LRRC8D: variants seen among roughly 807,000 people sequenced by gnomAD.
LRRC8D encodes the protein volume-regulated anion channel subunit LRRC8D.
LRRC8D carries 20 observed loss-of-function variants against 55.8 expected under a neutral mutation model. The observed-to-expected ratio is 0.36, with a 90% CI of 0.25 to 0.52. LRRC8D has a LOEUF of 0.52. Ranked by LOEUF, LRRC8D falls within the 20% of genes least tolerant of loss-of-function variation. The pLI, the probability that LRRC8D is intolerant of heterozygous loss-of-function variation, is 0.93. For missense variants in LRRC8D, 651 were observed against 1,030.8 expected (o/e 0.63, Z 5.05); for synonymous variants, 352 against 377.0 (o/e 0.93, Z 0.77).
At chr1:89,853,675 G>C (rs1160210996) in intron 2 of LRRC8D, among the ~76,000 whole-genome samples, 1 of 152,184 alleles carries the variant, frequency 6.6e-6, no homozygotes, top group East Asian at 1.9e-4. Flanking sequence ...ATAGGGAAAA[G>C]CTGTCAGGTC....
intron 2 of LRRC8D, among the ~76,000 whole-genome samples, chr1:89,896,527 G>C (rs1662717777): frequency 6.6e-6 from 1 of 152,122 alleles, no homozygotes; most frequent in African/African-American, 2.4e-5. Context: ...GAGAGAGGCT[G>C]TGAAGACTTA....
intron 2 of LRRC8D, among the ~76,000 whole-genome samples, chr1:89,847,961 A>G (rs1661321202): frequency 1.3e-5 from 2 of 152,208 alleles, no homozygotes; most frequent in Admixed American, 6.5e-5. Flanking sequence ...CAGGTTGGGA[A>G]TTGAGGCCAA....
chr1:89,870,511 C>T (rs1661980190), intron 2 of LRRC8D, among the ~76,000 whole-genome samples: 1 of 152,010 alleles, frequency 6.6e-6, no homozygotes, highest in African/African-American at 2.4e-5. Context: ...CTAAAGGTGT[C>T]TCCTGGCCTC....
intron 1 of LRRC8D, among the ~76,000 whole-genome samples, chr1:89,827,173 A>C (rs750615109): frequency 6.6e-5 from 10 of 152,102 alleles, no homozygotes; most frequent in Non-Finnish European, 1.2e-4. Flanking sequence ...CAACCTGGTG[A>C]AACCCCGTCT....
chr1:89,935,115 A>T lies in LRRC8D; in HGVS notation c.2047A>T (p.Lys683Ter). The T allele has an allele frequency of 6.2e-7, 1 of 1,614,248 alleles. No homozygotes were observed. The highest frequency in any genetic ancestry group is 8.5e-7 in the Non-Finnish European group (1 of 1,180,044). Residue 683 changes from lysine to a stop codon, truncating the protein, a stop_gained, in exon 3 of 3, where the codon AAA becomes TAA. Transcript: ENST00000337338. LOFTEE classifies it high-confidence loss of function. ...GGAAATCATCAGTTTCCAGCATTTA[A>T]AACGACTGACTTGTTTAAAATTATG... ...IEEIISFQHLKRLTCLKLWHN... is the reference protein window; with the variant it reads ...IEEIISFQHL
rs1557491544 is a variant in LRRC8D, at chr1:89,934,436, A to G, written c.1368A>G (p.Thr456=). ...LREISLNHEW[T]FEKLRQHISR... The stretch of plus-strand genomic sequence containing the variant: ...AAATTAGTTTGAACCATGAGTGGAC[A>G]TTTGAAAAACTCAGGCAGCACATTT... The change falls in exon 3 of 3, where the codon ACA becomes ACG. Residue 456 remains threonine (T), a synonymous_variant. Coordinates refer to ENST00000337338, the MANE Select transcript of LRRC8D (RefSeq NM_001134479.2). The surrounding 1 kb of genome is among the most constrained non-coding windows in gnomAD (Gnocchi z 5.9). The G allele has an allele frequency of 1.2e-6, 2 of 1,614,174 alleles. No individual in the cohort carries two copies. The highest frequency in any genetic ancestry group is 1.7e-6 in the Non-Finnish European group (2 of 1,180,042).
intron 2 of LRRC8D, among the ~76,000 whole-genome samples, chr1:89,869,295 C>A (rs1328863476): frequency 2.0e-5 from 3 of 152,100 alleles, no homozygotes; most frequent in Non-Finnish European, 4.4e-5. Flanking sequence ...ACGTAAATGA[C>A]CTGATGGAGC....
rs567659254 is a variant in LRRC8D at position 89,935,708 on chromosome 1, A to G, written c.*63A>G. On this transcript the variant is annotated 3_prime_UTR_variant, in exon 3 of 3. Coordinates refer to ENST00000337338, the MANE Select transcript of LRRC8D (RefSeq NM_001134479.2). Reference sequence around the variant, plus strand: ...CTTCCTAGATTGCAAGTGCTCACGTACAAGTTATTACAAGATAATGCATTT... The same window carrying G: ...CTTCCTAGATTGCAAGTGCTCACGTGCAAGTTATTACAAGATAATGCATTT... 26 of 1,408,350 alleles carry G rather than the reference A, an allele frequency of 1.8e-5. No homozygotes were observed. The East Asian group carries it at 5.5e-4, about 30-fold the overall frequency. 87.2% of individuals were successfully genotyped at this position (1,408,350 alleles called of 1,614,324 possible). A position where few individuals can be genotyped will look rare whatever the true frequency, so the allele number is the denominator to read the frequency against.
At chr1:89,853,455 G>A (rs1661473387) in intron 2 of LRRC8D, among the ~76,000 whole-genome samples, 2 of 152,154 alleles carry the variant, frequency 1.3e-5, no homozygotes. Context: ...CACAGGGATG[G>A]CCAAAGGATC....
chr1:89,922,984 G>A (rs1182006739), intron 2 of LRRC8D, among the ~76,000 whole-genome samples: 1 of 152,078 alleles, frequency 6.6e-6, no homozygotes, highest in African/African-American at 2.4e-5. Context: ...AACTGTTACT[G>A]ATTTTTTTTC....
intron 1 of LRRC8D, among the ~76,000 whole-genome samples, chr1:89,830,903 C>CTTTT (rs1178734654): frequency 7.4e-6 from 1 of 135,814 alleles, no homozygotes; most frequent in Non-Finnish European, 1.6e-5. Flanking sequence ...GCACAATACA[C>CTTTT]TTTTTTTTTT....
intron 2 of LRRC8D, among the ~76,000 whole-genome samples, chr1:89,893,338 C>T (rs897554303): frequency 2.6e-5 from 4 of 151,968 alleles, no homozygotes; most frequent in East Asian, 3.9e-4. Flanking sequence ...AGCCAGTGGG[C>T]GAAAACATGG....
chr1:89,843,016 T>A (rs1343872892), intron 1 of LRRC8D: 2 of 152,272 alleles, frequency 1.3e-5, no homozygotes, highest in Non-Finnish European at 2.9e-5. Flanking sequence ...AGTTCCTGGC[T>A]GCTCTGTGTT....
intron 2 of LRRC8D, among the ~76,000 whole-genome samples, chr1:89,927,380 C>T (rs1248458833): frequency 6.6e-6 from 1 of 152,244 alleles, no homozygotes; most frequent in African/African-American, 2.4e-5. Flanking sequence ...GTAACCAGAT[C>T]ATTCATTCTT....
intron 2 of LRRC8D, among the ~76,000 whole-genome samples, chr1:89,851,858 G>A (rs1661426984): frequency 1.3e-5 from 2 of 152,024 alleles, no homozygotes; most frequent in African/African-American, 4.8e-5. Flanking sequence ...TACATAGCAT[G>A]GCTTATTATT....
Position 89,934,853 on chromosome 1 carries a change from G to A in LRRC8D, c.1785G>A (p.Val595=), listed in dbSNP as rs1168405666. ...RELRHLKILH[V]KSNLTKVPSN... ...TGCGGCACCTTAAGATTCTCCACGT[G>A]AAGAGCAATTTGACCAAAGTTCCCT... Residue 595 remains valine, a synonymous_variant, in exon 3 of 3, where the codon GTG becomes GTA. Transcript: ENST00000337338. The surrounding 1 kb of genome is among the most constrained non-coding windows in gnomAD (Gnocchi z 5.9). The A allele has an allele frequency of 9.9e-6, 16 of 1,614,000 alleles. No individual in the cohort carries two copies. The highest frequency in any genetic ancestry group is 1.1e-5 in the Non-Finnish European group (13 of 1,180,032).
At chr1:89,904,190 C>A (rs903014077) in intron 2 of LRRC8D, among the ~76,000 whole-genome samples, 1 of 152,234 alleles carries the variant, frequency 6.6e-6, no homozygotes, top group Non-Finnish European at 1.5e-5. Flanking sequence ...CCCAATACTT[C>A]TGTCAAAGTT....
chr1:89,872,202 T>C (rs1401893453), intron 2 of LRRC8D, among the ~76,000 whole-genome samples: 2 of 152,246 alleles, frequency 1.3e-5, no homozygotes, highest in African/African-American at 4.8e-5. Context: ...GTGCAAACTA[T>C]GCAGTGCTTT....
chr1:89,859,720 G>A (rs1661651013), intron 2 of LRRC8D, among the ~76,000 whole-genome samples: 1 of 152,108 alleles, frequency 6.6e-6, no homozygotes, highest in African/African-American at 2.4e-5. Context: ...CATTTATTTT[G>A]TGATAATTCC....
Sources: allele counts gnomAD v4.1 joint callset (sites outside exome capture counted in the v4.1 genomes callset), GRCh38; gene constraint gnomAD v4.1.1; non-coding constraint Gnocchi (gnomAD v3.1); transcripts MANE v1.5; gene names NCBI Gene and HGNC (gene_info 2026-07-23, HGNC 2026-07-21).